CCSER1: variants seen among roughly 807,000 people sequenced by gnomAD.
CCSER1 encodes the protein coiled-coil serine rich protein 1, also known as serine-rich coiled-coil domain-containing protein 1.
A neutral mutation model predicts 82.0 loss-of-function variants in CCSER1; 41 were observed. The observed-to-expected ratio is 0.50, with a 90% CI of 0.39 to 0.65. CCSER1 has a LOEUF of 0.65. Among genes scored for constraint, CCSER1 ranks in the 30% least tolerant of loss-of-function variants. The pLI is 0.00. For synonymous variants in CCSER1, 414 were observed against 383.9 expected, an observed-to-expected ratio of 1.08 and a Z score of -0.92; for missense variants, 1,119 against 1,064.2, an observed-to-expected ratio of 1.05 and a Z score of -0.72.
chr4:91,086,383 C>G (rs1465622045), intron 10 of CCSER1, among the ~76,000 whole-genome samples: 1 of 152,062 alleles, frequency 6.6e-6, no homozygotes, highest in Non-Finnish European at 1.5e-5. Flanking sequence ...TGGGATTCCT[C>G]ATTTTCCTGT....
rs149654811 is a variant in CCSER1 at position 91,327,666 on chromosome 4, A to G, written c.2217+241672A>G. On this transcript the variant is annotated intron_variant, in intron 10 of 10. Coordinates refer to ENST00000509176, the MANE Select transcript of CCSER1 (RefSeq NM_001145065.2). ...CTGAGAAAATAGCTTTTTATTTTCT[A>G]TCACATGGCCAGGCTGCAAATTTTC... is the stretch of plus-strand genomic sequence containing the variant. Among the ~76,000 whole-genome samples, 477 of 152,330 alleles carry G rather than the reference A, an allele frequency of 3.1e-3. 1 individual carries two copies. Among genetic ancestry groups the G allele is most frequent in the Non-Finnish European group, 4.9e-3 (336 of 68,020 alleles).
intron 10 of CCSER1, among the ~76,000 whole-genome samples, chr4:91,324,131 G>T (rs1458855837): frequency 6.6e-6 from 1 of 152,076 alleles, no homozygotes; most frequent in Non-Finnish European, 1.5e-5. Context: ...AACAATTTAG[G>T]TAGAGAGACA....
chr4:91,048,028 A>G (rs1742664903), intron 9 of CCSER1, among the ~76,000 whole-genome samples: 1 of 152,064 alleles, frequency 6.6e-6, no homozygotes, highest in Non-Finnish European at 1.5e-5. Flanking sequence ...AAAAGTCCTT[A>G]CAAGTAAAAA....
At chr4:90,804,152 T>C (rs1442514099) in intron 7 of CCSER1, among the ~76,000 whole-genome samples, 2 of 152,124 alleles carry the variant, frequency 1.3e-5, no homozygotes, top group Non-Finnish European at 2.9e-5. Context: ...TTTTCTCCCA[T>C]TCTGTAGGCT....
intron 6 of CCSER1, among the ~76,000 whole-genome samples, chr4:90,632,432 A>G (rs1016883046): frequency 2.6e-5 from 4 of 151,948 alleles, no homozygotes; most frequent in African/African-American, 7.2e-5. Flanking sequence ...ATATTAATCT[A>G]ATCCAGGTTT....
At chr4:90,480,996 C>A (rs28854609) in intron 5 of CCSER1, among the ~76,000 whole-genome samples, 10,208 of 152,172 alleles carry the variant, frequency 0.067, 437 homozygotes, top group African/African-American at 0.1. Context: ...GATATTGATT[C>A]TTCCTATCCA....
At chr4:90,861,419 C>G (rs41342445) in intron 8 of CCSER1, among the ~76,000 whole-genome samples, 8,027 of 151,704 alleles carry the variant, frequency 0.053, 311 homozygotes, top group Non-Finnish European at 0.073. Context: ...TATAAACATG[C>G]AGCTATAGGA....
At position 90,714,442 on chromosome 4, in the gene CCSER1, A is replaced by C. The variant is rs189281509; in HGVS notation, c.1933-9472A>C. On this transcript the variant is annotated intron_variant, in intron 6 of 10. Transcript: ENST00000509176. The stretch of plus-strand genomic sequence containing the variant: ...AATTCTGACTGGTTGGACACTGCTG[A>C]ACATACCAAGAATATTTAATAAGAT... 4.0e-3 allele frequency among the ~76,000 whole-genome samples: 613 copies of C among 152,120 alleles called. 6 individuals are homozygous for C. Among genetic ancestry groups the C allele is most frequent in the African/African-American group, 0.014 (587 of 41,526 alleles).
At chr4:90,190,332 A>G (rs983073428) in intron 1 of CCSER1, among the ~76,000 whole-genome samples, 54 of 152,122 alleles carry the variant, frequency 3.5e-4, no homozygotes, top group African/African-American at 1.3e-3. Context: ...CAGAAAGCTC[A>G]AAGAATTGTA....
rs74438105 is a variant in CCSER1, at chr4:91,132,508, G to T, written c.2217+46514G>T. 4.8e-3 allele frequency among the ~76,000 whole-genome samples: 732 copies of T among 152,302 alleles called. 6 individuals are homozygous for T. The highest frequency in any genetic ancestry group is 0.017 in the African/African-American group (688 of 41,576). Reference sequence around the variant, plus strand: ...CCCTGCAATTAAAATGAGATCTGAAGAATGTATTCGTTAATTCTGCAGGTA... The same window carrying T: ...CCCTGCAATTAAAATGAGATCTGAATAATGTATTCGTTAATTCTGCAGGTA... On this transcript the variant is annotated intron_variant, in intron 10 of 10. Transcript: ENST00000509176.
chr4:91,146,916 A>G (rs1338022539), intron 10 of CCSER1, among the ~76,000 whole-genome samples: 1 of 152,158 alleles, frequency 6.6e-6, no homozygotes, highest in Non-Finnish European at 1.5e-5. Flanking sequence ...AGGGAGACAG[A>G]GGGCAGGAGA....
intron 10 of CCSER1, among the ~76,000 whole-genome samples, chr4:91,408,962 T>A (rs141249811): frequency 8.7e-4 from 132 of 152,320 alleles, no homozygotes; most frequent in African/African-American, 2.8e-3. Flanking sequence ...GTGTTCATGA[T>A]CACAACCTCT....
At chr4:91,225,682 G>C (rs1738143398) in intron 10 of CCSER1, among the ~76,000 whole-genome samples, 1 of 151,704 alleles carries the variant, frequency 6.6e-6, no homozygotes. Context: ...TGCATGTTTT[G>C]TTGCCATAAC....
At chr4:91,437,198 T>G (rs1251388254) in intron 10 of CCSER1, among the ~76,000 whole-genome samples, 2 of 152,198 alleles carry the variant, frequency 1.3e-5, no homozygotes, top group Non-Finnish European at 2.9e-5. Flanking sequence ...AACTTGTATT[T>G]TTGGTGCATA....
intron 10 of CCSER1, among the ~76,000 whole-genome samples, chr4:91,457,509 TAAAA>T (rs1002544854): frequency 6.6e-6 from 1 of 151,566 alleles, no homozygotes; most frequent in Non-Finnish European, 1.5e-5. Context: ...TACAAAAAAA[TAAAA>T]AAAATAATTA....
At chr4:91,082,132 G>A (rs1473267439) in intron 9 of CCSER1, among the ~76,000 whole-genome samples, 1 of 152,158 alleles carries the variant, frequency 6.6e-6, no homozygotes, top group African/African-American at 2.4e-5. Flanking sequence ...AAAGAACAAA[G>A]TTGGAGGCAT....
chr4:91,484,248 C>T (rs554862466), intron 10 of CCSER1, among the ~76,000 whole-genome samples: 1 of 152,078 alleles, frequency 6.6e-6, no homozygotes. Context: ...TTTTGTTACT[C>T]TAGAACCTTG....
chr4:91,447,935 AT>A (rs1755660665), intron 10 of CCSER1, among the ~76,000 whole-genome samples: 1 of 152,084 alleles, frequency 6.6e-6, no homozygotes, highest in Non-Finnish European at 1.5e-5. Flanking sequence ...AGTGGTGCTT[AT>A]TAAGTGTATA....
At chr4:90,262,180 A>G (rs1724457317) in intron 1 of CCSER1, among the ~76,000 whole-genome samples, 2 of 152,050 alleles carry the variant, frequency 1.3e-5, no homozygotes, top group Admixed American at 1.3e-4. Flanking sequence ...GTTTTGTCAT[A>G]TTACAAATCC....
Sources: gnomAD v4.1 joint callset for allele counts (sites outside exome capture counted in the v4.1 genomes callset) on GRCh38, gnomAD v4.1.1 for gene constraint, MANE v1.5 for transcripts, NCBI Gene and HGNC (gene_info 2026-07-23, HGNC 2026-07-21) for gene names.